CDH23: variants seen among roughly 807,000 people sequenced by gnomAD.
CDH23 encodes cadherin-23.
A neutral mutation model predicts 317.1 loss-of-function variants in CDH23; 189 were observed. That is an observed-to-expected ratio of 0.60 (90% CI 0.53 to 0.67). CDH23 has a LOEUF of 0.67. CDH23 is among the 30% of genes least tolerant of loss of function. The pLI is 0.00. For synonymous variants in CDH23, 1,839 were observed against 1,876.8 expected (o/e 0.98, Z 0.52); for missense variants, 4,401 against 4,592.4 (o/e 0.96, Z 1.20).
At chr10:71,747,389 A>G (rs1839877219) in intron 38 of CDH23, among the ~76,000 whole-genome samples, 1 of 152,176 alleles carries the variant, frequency 6.6e-6, no homozygotes. Context: ...CAGAGCACAG[A>G]TAGGAACGTT....
At chr10:71,437,212 C>G (rs529920403) in intron 1 of CDH23, among the ~76,000 whole-genome samples, 1 of 152,160 alleles carries the variant, frequency 6.6e-6, no homozygotes, top group East Asian at 1.9e-4. Flanking sequence ...AATATGGCAG[C>G]GTCTAGTAAA....
chr10:71,789,293 T>C (rs1841182261), intron 45 of CDH23, among the ~76,000 whole-genome samples: 1 of 152,172 alleles, frequency 6.6e-6, no homozygotes, highest in South Asian at 2.1e-4. Context: ...GTCTGAGAGC[T>C]GCCCCACCAT....
chr10:71,690,287 G>A (rs1865136249), intron 19 of CDH23, among the ~76,000 whole-genome samples, 181 bp from the exon 20 acceptor site: 1 of 152,140 alleles, frequency 6.6e-6, no homozygotes, highest in African/African-American at 2.4e-5. Context: ...CAACGATTGA[G>A]CCGCCCTTGT....
intron 14 of CDH23, among the ~76,000 whole-genome samples, chr10:71,659,419 G>A (rs2132627889): frequency 6.6e-6 from 1 of 152,284 alleles, no homozygotes; most frequent in Admixed American, 6.5e-5. Context: ...AGGTGGGTAG[G>A]GGACCCACAG....
At chr10:71,447,781 T>A (rs533473584) in intron 3 of CDH23, among the ~76,000 whole-genome samples, 1 of 152,012 alleles carries the variant, frequency 6.6e-6, no homozygotes, top group Non-Finnish European at 1.5e-5. Context: ...CCCCTTTGGA[T>A]TGGGTTGAGG....
chr10:71,693,391 C>T (rs143380566), intron 20 of CDH23, among the ~76,000 whole-genome samples: 36 of 152,040 alleles, frequency 2.4e-4, no homozygotes, highest in East Asian at 1.5e-3. Context: ...CAAATACAGG[C>T]GAACAAGAAA....
rs564347232 is a variant in CDH23 at position 71,448,180 on chromosome 10, A to G, written c.145+1785A>G. ...CTGAGCGTGGGGTCCTCAGAGGCCT[A>G]TGTATTGGGATGGGTTGGGGAGGGA... On this transcript the variant is annotated intron_variant, in intron 3 of 69. Coordinates refer to ENST00000224721, the MANE Select transcript of CDH23 (RefSeq NM_022124.6). 2.6e-5 allele frequency among the ~76,000 whole-genome samples: 4 copies of G among 152,148 alleles called. No individual in the cohort carries two copies. The South Asian group carries it at 6.2e-4, about 24-fold the overall frequency.
Position 71,807,959 on chromosome 10 carries a change from C to T in CDH23, c.8674C>T (p.Arg2892Trp), listed in dbSNP as rs1468886300. 9.4e-6 allele frequency: 15 copies of T among 1,600,108 alleles called. No individual in the cohort carries two copies. The highest frequency in any genetic ancestry group is 6.9e-5 in the Admixed American group (4 of 58,092). Residue 2892 changes from arginine to tryptophan, a missense_variant, in exon 60 of 70, where the codon CGG (arginine) becomes TGG (tryptophan). By Grantham distance (101) the Arg-to-Trp change is moderately radical. Coordinates refer to ENST00000224721, the MANE Select transcript of CDH23 (RefSeq NM_022124.6). ...FYSILAIHYF[R>W]ALANDSEDVG... The stretch of plus-strand genomic sequence containing the variant: ...CAGCATTCTGGCCATCCACTACTTC[C>T]GGGCCCTTGCCAACGACTCTGAAGA...
At chr10:71,809,683 T>C in intron 60 of CDH23, 137 bp from the exon 61 acceptor site, 4 of 1,256,958 alleles carry the variant, frequency 3.2e-6, no homozygotes, top group Non-Finnish European at 4.3e-6. Flanking sequence ...GCCTGTCACC[T>C]TTGCTCCCTG....
At chr10:71,671,287 AC>A (rs1224242136) in intron 14 of CDH23, among the ~76,000 whole-genome samples, 1 of 152,044 alleles carries the variant, frequency 6.6e-6, no homozygotes, top group Non-Finnish European at 1.5e-5. Flanking sequence ...TTTTTTAGGT[AC>A]AATATGAAAA....
intron 11 of CDH23, among the ~76,000 whole-genome samples, chr10:71,627,477 G>A (rs1861795335): frequency 6.6e-6 from 1 of 152,176 alleles, no homozygotes. Context: ...GGGGACCAGA[G>A]GGTGGCCTCT....
intron 1 of CDH23, among the ~76,000 whole-genome samples, chr10:71,400,507 T>A (rs527651630): frequency 1.3e-5 from 2 of 151,992 alleles, no homozygotes; most frequent in South Asian, 4.1e-4. Flanking sequence ...AGTTCAAAAA[T>A]AGTTAGGTTA....
intron 8 of CDH23, among the ~76,000 whole-genome samples, chr10:71,575,663 G>A (rs902570833): frequency 6.6e-6 from 1 of 152,210 alleles, no homozygotes; most frequent in African/African-American, 2.4e-5. Flanking sequence ...ACCCCAGCTG[G>A]ACTGGCTCCC....
At chr10:71,554,444 C>T (rs1856772758) in intron 6 of CDH23, among the ~76,000 whole-genome samples, 1 of 151,918 alleles carries the variant, frequency 6.6e-6, no homozygotes, top group South Asian at 2.1e-4. Flanking sequence ...GCAATCCTCC[C>T]ACCTCAGCCT....
chr10:71,752,073 G>C (rs927959856), intron 38 of CDH23: 1 of 701,066 alleles, frequency 1.4e-6, no homozygotes, highest in Non-Finnish European at 2.6e-6. Context: ...AGGGCATCAG[G>C]GCCCACCAGA....
chr10:71,722,710 T>C (rs1007112974), intron 28 of CDH23, among the ~76,000 whole-genome samples: 6 of 152,118 alleles, frequency 3.9e-5, no homozygotes, highest in African/African-American at 1.4e-4. Flanking sequence ...TAGGAGAAGA[T>C]ATTTGAACAA....
chr10:71,701,707 T>C (rs1380669194), intron 22 of CDH23, among the ~76,000 whole-genome samples: 1 of 152,096 alleles, frequency 6.6e-6, no homozygotes, highest in Non-Finnish European at 1.5e-5. Flanking sequence ...CACAATCTAA[T>C]GCTTCAAAGG....
At position 71,690,448 on chromosome 10, in the gene CDH23, C is replaced by T. The variant is rs1304957512; in HGVS notation, c.2060-20C>T. ...CCAGGGTGAGCAGCACCCCCTGCCC[C>T]CACCTTTTTCCCCCTGAAGGAGCCA... On this transcript the variant is annotated intron_variant, in intron 19 of 69. Transcript: ENST00000224721. 1.9e-6 allele frequency: 3 copies of T among 1,563,794 alleles called. No individual in the cohort carries two copies. The East Asian group carries it at 7.0e-5, about 37-fold the overall frequency.
intron 18 of CDH23, among the ~76,000 whole-genome samples, chr10:71,685,960 A>C (rs923522780): frequency 1.3e-5 from 2 of 152,042 alleles, no homozygotes; most frequent in Admixed American, 1.3e-4. Flanking sequence ...TGATGGCAGC[A>C]TTTCCTGCAC....
Sources: allele counts gnomAD v4.1 joint callset (sites outside exome capture counted in the v4.1 genomes callset), GRCh38; gene constraint gnomAD v4.1.1; transcripts MANE v1.5; gene names NCBI Gene and HGNC (gene_info 2026-07-23, HGNC 2026-07-21).